CSNK2A2IP: variants seen among roughly 807,000 people sequenced by gnomAD.
The protein encoded by CSNK2A2IP is casein kinase 2 subunit alpha' interacting protein.
At chr3:88,438,670 C>T in the CSNK2A2IP span, among the ~76,000 whole-genome samples, 1 of 152,106 alleles carries the variant, frequency 6.6e-6, no homozygotes, top group Non-Finnish European at 1.5e-5. Flanking sequence ...TAGAGCATTC[C>T]CTTTGTGTCC....
the CSNK2A2IP span, among the ~76,000 whole-genome samples, chr3:88,354,049 C>G: frequency 6.6e-6 from 1 of 152,148 alleles, no homozygotes; most frequent in Admixed American, 6.6e-5. Flanking sequence ...GGCCTGACAC[C>G]TCTGTCTCTC....
At chr3:88,403,176 C>T in the CSNK2A2IP span, among the ~76,000 whole-genome samples, 4 of 152,052 alleles carry the variant, frequency 2.6e-5, no homozygotes, top group East Asian at 7.7e-4. Context: ...GAAGGCTTTC[C>T]AAGGCCATCA....
At chr3:88,422,420 A>C in the CSNK2A2IP span, among the ~76,000 whole-genome samples, 1 of 152,190 alleles carries the variant, frequency 6.6e-6, no homozygotes, top group African/African-American at 2.4e-5. Context: ...AGATATATTC[A>C]GACATTTAAA....
the CSNK2A2IP span, among the ~76,000 whole-genome samples, chr3:88,347,690 A>G: frequency 2.0e-5 from 3 of 152,014 alleles, no homozygotes; most frequent in African/African-American, 7.2e-5. Context: ...ACTTTATTGT[A>G]ATATTTGCTT....
the CSNK2A2IP span, among the ~76,000 whole-genome samples, chr3:88,461,493 C>T: frequency 6.6e-6 from 1 of 152,226 alleles, no homozygotes; most frequent in Admixed American, 6.5e-5. Context: ...GCGGAGCTTG[C>T]AGTGAGCCGA....
the CSNK2A2IP span, among the ~76,000 whole-genome samples, chr3:88,420,319 T>C: frequency 1.3e-5 from 2 of 152,180 alleles, no homozygotes; most frequent in Non-Finnish European, 2.9e-5. Flanking sequence ...CTTAATACTA[T>C]ACCCATTTAT....
At chr3:88,348,940 A>G in the CSNK2A2IP span, among the ~76,000 whole-genome samples, 1 of 151,694 alleles carries the variant, frequency 6.6e-6, no homozygotes, top group Non-Finnish European at 1.5e-5. Context: ...ATATGTCACC[A>G]TTATTATTTT....
At chr3:88,379,431 AG>A in the CSNK2A2IP span, among the ~76,000 whole-genome samples, 2 of 152,124 alleles carry the variant, frequency 1.3e-5, no homozygotes, top group Non-Finnish European at 2.9e-5. Flanking sequence ...TCTGTTTTAG[AG>A]GAGGTCACTT....
chr3:88,398,961 GATTT>G, the CSNK2A2IP span, among the ~76,000 whole-genome samples: 1 of 152,108 alleles, frequency 6.6e-6, no homozygotes, highest in Non-Finnish European at 1.5e-5. Flanking sequence ...ATTCATAAAT[GATTT>G]TTTATAGAAA....
chr3:88,418,636 AT>A, the CSNK2A2IP span, among the ~76,000 whole-genome samples: 242 of 152,298 alleles, frequency 1.6e-3, no homozygotes, highest in Admixed American at 4.8e-3. Context: ...ATTTTTATTT[AT>A]ACATTTAGTT....
At chr3:88,341,615 G>A in the CSNK2A2IP span, among the ~76,000 whole-genome samples, 3 of 150,392 alleles carry the variant, frequency 2.0e-5, no homozygotes, top group Non-Finnish European at 1.5e-5. Context: ...ATTCCCACAG[G>A]AAAAAAAAAC....
At chr3:88,408,443 A>C in the CSNK2A2IP span, among the ~76,000 whole-genome samples, 1 of 152,044 alleles carries the variant, frequency 6.6e-6, no homozygotes, top group Non-Finnish European at 1.5e-5. Flanking sequence ...TGTGGGGTGG[A>C]ACCAAAAAGG....
At chr3:88,414,270 GTTTTTTTTTTTT>G in the CSNK2A2IP span, among the ~76,000 whole-genome samples, 45 of 64,098 alleles carry the variant, frequency 7.0e-4, no homozygotes, top group Non-Finnish European at 9.9e-4. Flanking sequence ...TACCAACAAA[GTTTTTTTTTTTT>G]TTTTTTTTTT....
At chr3:88,350,076 T>A in the CSNK2A2IP span, among the ~76,000 whole-genome samples, 8 of 152,190 alleles carry the variant, frequency 5.3e-5, no homozygotes, top group African/African-American at 1.7e-4. Flanking sequence ...TTTCATCAAG[T>A]GTCTTCATTT....
the CSNK2A2IP span, among the ~76,000 whole-genome samples, chr3:88,349,079 C>G: frequency 6.6e-6 from 1 of 152,012 alleles, no homozygotes. Flanking sequence ...TTCTCTCCCC[C>G]TTTCCATTCT....
At chr3:88,449,818 G>GACACACACACACACAC in the CSNK2A2IP span, among the ~76,000 whole-genome samples, 4 of 61,782 alleles carry the variant, frequency 6.5e-5, no homozygotes, top group African/African-American at 2.3e-4. Flanking sequence ...TTTTTATATC[G>GACACACACACACACAC]AGACACACAC....
the CSNK2A2IP span, among the ~76,000 whole-genome samples, chr3:88,340,455 C>T: frequency 6.6e-6 from 1 of 151,962 alleles, no homozygotes; most frequent in Non-Finnish European, 1.5e-5. Context: ...TGGTAAGTTT[C>T]TCAAATAATA....
At chr3:88,467,113 A>T in the CSNK2A2IP span, 5 of 466,148 alleles carry the variant, frequency 1.1e-5, no homozygotes, top group East Asian at 1.4e-4. Context: ...AAACAAAGTT[A>T]TAGGCCAACA....
At chr3:88,442,972 G>T in the CSNK2A2IP span, among the ~76,000 whole-genome samples, 1 of 151,718 alleles carries the variant, frequency 6.6e-6, no homozygotes, top group South Asian at 2.1e-4. Context: ...AAGTCTAATT[G>T]CTTTAATAAT....
Sources: gnomAD v4.1 joint callset for allele counts (sites outside exome capture counted in the v4.1 genomes callset) on GRCh38, gnomAD v4.1.1 for gene constraint, MANE v1.5 for transcripts, NCBI Gene and HGNC (gene_info 2026-07-23, HGNC 2026-07-21) for gene names.